Variants in SLC25A12 observed in about 807,000 individuals in gnomAD.
The protein encoded by SLC25A12 is electrogenic aspartate/glutamate antiporter SLC25A12, mitochondrial.
Under a neutral mutation model 83.3 loss-of-function variants are expected in SLC25A12, and 32 were observed. The ratio of observed to expected loss-of-function variants is 0.38; its 90% CI spans 0.29 to 0.52. The LOEUF is 0.52. Among genes scored for constraint, SLC25A12 ranks in the 20% least tolerant of loss-of-function variants. The pLI is 0.84. For missense variants in SLC25A12, 611 were observed against 835.6 expected (o/e 0.73, Z 3.31); for synonymous variants, 267 against 291.1 (o/e 0.92, Z 0.84).
Position 171,843,834 on chromosome 2 carries a change from C to T in SLC25A12, c.465+535G>A, listed in dbSNP as rs553099898. 1.2e-4 allele frequency among the ~76,000 whole-genome samples: 15 copies of T among 121,314 alleles called. No individual in the cohort carries two copies. The South Asian group carries it at 3.1e-3, about 25-fold the overall frequency. 79.6% of individuals were successfully genotyped at this position (121,314 alleles called of 152,430 possible). ...TTTTTGAGATGGAGTCTCACTCTGT[C>T]GCCAAGGCTGGAGTGCAGTGGTGTG... On this transcript the variant is annotated intron_variant, in intron 5 of 17. Coordinates refer to ENST00000422440, the MANE Select transcript of SLC25A12 (RefSeq NM_003705.5).
intron 9 of SLC25A12, among the ~76,000 whole-genome samples, chr2:171,823,726 G>A (rs978607175): frequency 4.6e-5 from 7 of 152,202 alleles, no homozygotes; most frequent in Non-Finnish European, 7.3e-5. Context: ...GGGAGGCCAA[G>A]ATCAGTGGAT....
Position 171,786,142 on chromosome 2 carries a change from G to A in SLC25A12, c.1836-667C>T, listed in dbSNP as rs1256262368. Among the ~76,000 whole-genome samples the A allele has an allele frequency of 4.0e-5, 6 of 151,800 alleles. No homozygotes were observed. In the South Asian group the frequency reaches 8.3e-4, roughly 21 times the overall value. ...TGTAATCCCAGAACTTTGGGAGGCC[G>A]AGGCAGGCGGATCATGAGGTCAGGA... On this transcript the variant is annotated intron_variant, in intron 17 of 17. Transcript: ENST00000422440.
intron 13 of SLC25A12, among the ~76,000 whole-genome samples, chr2:171,799,764 C>T (rs1436929397): frequency 1.3e-5 from 2 of 152,210 alleles, no homozygotes; most frequent in Admixed American, 6.5e-5. Flanking sequence ...TTTGAGAGCA[C>T]TATGCAGACT....
intron 3 of SLC25A12, 34 bp downstream of exon 3, chr2:171,868,647 C>G (rs1339787895): frequency 6.2e-7 from 1 of 1,604,392 alleles, no homozygotes; most frequent in Non-Finnish European, 8.5e-7. Context: ...TATTCCAGAA[C>G]ATTAGTTTTC....
chr2:171,807,496 C>T (rs1165591027), intron 13 of SLC25A12, among the ~76,000 whole-genome samples: 1 of 152,150 alleles, frequency 6.6e-6, no homozygotes, highest in African/African-American at 2.4e-5. Flanking sequence ...GACCAAAAAC[C>T]TGGATATTGC....
At chr2:171,856,881 A>T (rs561910283) in intron 3 of SLC25A12, among the ~76,000 whole-genome samples, 1 of 152,356 alleles carries the variant, frequency 6.6e-6, no homozygotes, top group Non-Finnish European at 1.5e-5. Flanking sequence ...GTTAAGCATT[A>T]TCTTTTAGAG....
intron 2 of SLC25A12, among the ~76,000 whole-genome samples, chr2:171,879,542 C>A (rs1685646197): frequency 6.6e-6 from 1 of 151,986 alleles, no homozygotes; most frequent in South Asian, 2.1e-4. Context: ...TCAAAATAAC[C>A]AAAAACCTTG....
chr2:171,807,631 G>A (rs997570420), intron 13 of SLC25A12, among the ~76,000 whole-genome samples: 1 of 152,146 alleles, frequency 6.6e-6, no homozygotes, highest in African/African-American at 2.4e-5. Context: ...AACTTAAAAT[G>A]ACCAAGAAAA....
At chr2:171,842,631 A>G (rs540988072) in intron 5 of SLC25A12, among the ~76,000 whole-genome samples, 2 of 152,212 alleles carry the variant, frequency 1.3e-5, no homozygotes, top group East Asian at 3.9e-4. Context: ...AATTCCATTT[A>G]TATTAAATAT....
intron 3 of SLC25A12, among the ~76,000 whole-genome samples, chr2:171,865,851 A>AT (rs1685280417): frequency 1.3e-5 from 2 of 151,806 alleles, no homozygotes; most frequent in East Asian, 1.9e-4. Context: ...CCAAAAAAAA[A>AT]ATTTTTTTTA....
chr2:171,858,553 G>A (rs911005847), intron 3 of SLC25A12, among the ~76,000 whole-genome samples: 7 of 152,176 alleles, frequency 4.6e-5, no homozygotes, highest in Non-Finnish European at 1.0e-4. Context: ...AACTAGCAAA[G>A]GTCACAAACT....
At chr2:171,861,914 T>C (rs911838315) in intron 3 of SLC25A12, among the ~76,000 whole-genome samples, 1 of 152,250 alleles carries the variant, frequency 6.6e-6, no homozygotes, top group Admixed American at 6.5e-5. Flanking sequence ...TATTACCCCA[T>C]TGTCTGACTT....
chr2:171,786,382 TAAAA>T (rs5836348), intron 17 of SLC25A12, among the ~76,000 whole-genome samples: 3 of 85,826 alleles, frequency 3.5e-5, no homozygotes, highest in Non-Finnish European at 4.5e-5. Context: ...AGACTCCGTC[TAAAA>T]AAAAAAAAAA....
intron 8 of SLC25A12, among the ~76,000 whole-genome samples, chr2:171,833,686 C>T (rs191179916): frequency 2.6e-5 from 4 of 152,128 alleles, no homozygotes; most frequent in Non-Finnish European, 2.9e-5. Context: ...ACCTCACTCC[C>T]GCCTTCTCTT....
intron 9 of SLC25A12, among the ~76,000 whole-genome samples, chr2:171,819,764 T>C (rs1684145163): frequency 6.6e-6 from 1 of 152,098 alleles, no homozygotes; most frequent in Non-Finnish European, 1.5e-5. Flanking sequence ...TCTTCCTATA[T>C]GTGCTCATGA....
At chr2:171,828,152 T>C (rs1394061476) in intron 8 of SLC25A12, among the ~76,000 whole-genome samples, 2 of 152,244 alleles carry the variant, frequency 1.3e-5, no homozygotes, top group Non-Finnish European at 2.9e-5. Flanking sequence ...GGCTGTTTCC[T>C]AGTAGATCCT....
At chr2:171,797,979 C>T (rs1045395269) in intron 13 of SLC25A12, among the ~76,000 whole-genome samples, 9 of 152,020 alleles carry the variant, frequency 5.9e-5, no homozygotes, top group Admixed American at 1.3e-4. Context: ...TTAAATTTCC[C>T]GCCTATTTTT....
chr2:171,826,760 T>A, intron 9 of SLC25A12, 38 bp downstream of exon 9: 1 of 1,185,638 alleles, frequency 8.4e-7, no homozygotes, highest in Non-Finnish European at 1.3e-6. Flanking sequence ...TAGTTCAGCA[T>A]TTTTTTAAGG....
chr2:171,893,966 C>T (rs1479520455), intron 1 of SLC25A12, among the ~76,000 whole-genome samples: 1 of 152,116 alleles, frequency 6.6e-6, no homozygotes, highest in Non-Finnish European at 1.5e-5. Context: ...CCTTCACTGA[C>T]CCGTGTTACC....
Sources: allele counts gnomAD v4.1 joint callset (sites outside exome capture counted in the v4.1 genomes callset), GRCh38; gene constraint gnomAD v4.1.1; transcripts MANE v1.5; gene names NCBI Gene and HGNC (gene_info 2026-07-23, HGNC 2026-07-21).